The following TMEM165 variants were observed in gnomAD, a reference collection of about 807,000 sequenced individuals.
TMEM165 encodes transmembrane protein 165.
TMEM165 carries 19 observed loss-of-function variants against 30.0 expected under a neutral mutation model. The ratio of observed to expected loss-of-function variants is 0.63; its 90% CI spans 0.44 to 0.93. The LOEUF is 0.93. TMEM165 is among the 40% of genes least tolerant of loss of function. The pLI, the probability that TMEM165 is intolerant of heterozygous loss-of-function variation, is 0.00. For synonymous variants in TMEM165, 168 were observed against 162.9 expected, an observed-to-expected ratio of 1.03 and a Z score of -0.24; for missense variants, 340 against 417.0, an observed-to-expected ratio of 0.82 and a Z score of 1.61.
intron 2 of TMEM165, chr4:55,412,798 T>C (rs1721563325): frequency 6.6e-6 from 1 of 152,122 alleles, no homozygotes. Context: ...GCATTTAATA[T>C]CATTGAATTT....
chr4:55,434,748 C>G (rs1363069674), intron 3 of TMEM165: 1 of 155,020 alleles, frequency 6.5e-6, no homozygotes, highest in Admixed American at 6.3e-5. Context: ...TCAGTTTGCA[C>G]ATGGTGTCAG....
At chr4:55,419,879 A>G (rs1207536029) in intron 4 of TMEM165, among the ~76,000 whole-genome samples, 2 of 151,528 alleles carry the variant, frequency 1.3e-5, no homozygotes, top group African/African-American at 4.8e-5. Context: ...ATTTTGGGGA[A>G]AAAAAATGGA....
intron 3 of TMEM165, chr4:55,435,372 C>T: frequency 6.2e-7 from 1 of 1,609,488 alleles, no homozygotes; most frequent in Admixed American, 1.7e-5. Flanking sequence ...TCTTAATGGG[C>T]CATCCCCTTC....
chr4:55,423,292 C>T (rs1722057516), intron 4 of TMEM165: 1 of 152,220 alleles, frequency 6.6e-6, no homozygotes, highest in Admixed American at 6.5e-5. Flanking sequence ...CTTAATTTCT[C>T]TCAAATTCAC....
intron 3 of TMEM165, chr4:55,438,526 C>T: frequency 6.2e-7 from 1 of 1,613,402 alleles, no homozygotes; most frequent in Non-Finnish European, 8.5e-7. Context: ...AAGTTGTTGA[C>T]CTTGAGAAAA....
chr4:55,420,119 A>ATT (rs1187380138), intron 4 of TMEM165, among the ~76,000 whole-genome samples: 24 of 46,700 alleles, frequency 5.1e-4, no homozygotes, highest in African/African-American at 1.4e-3. Context: ...ATATATATAT[A>ATT]TACATATATA....
intron 4 of TMEM165, among the ~76,000 whole-genome samples, chr4:55,421,166 C>CAAAAA (rs71194559): frequency 1.9e-4 from 16 of 83,454 alleles, no homozygotes; most frequent in African/African-American, 5.4e-4. Context: ...GATTCCATCT[C>CAAAAA]AAAAAAAAAA....
In TMEM165 at chr4:55,449,359, A is replaced by C. The variant is rs759077911; in HGVS notation, c.409-2880A>C. On this transcript the variant is annotated intron_variant, in intron 3 of 3. Coordinates refer to the TMEM165 transcript ENST00000608091. ...TTAGATCATTTTTCCCCTCTTAATA[A>C]ATCTTTATTCAGAAGAATATCCACT... 8 of 1,537,506 alleles carry C rather than the reference A, an allele frequency of 5.2e-6. No homozygotes were observed. In the Admixed American group the frequency reaches 1.2e-4, roughly 22 times the overall value.
In TMEM165 at chr4:55,396,228, G is replaced by T. The variant is rs1159173531; in HGVS notation, c.39G>T (p.Ala13=). ...AAAPGNGRAS[A]PRLLLLFLVP... is the part of the protein sequence containing the mutation. ...CTCCAGGGAACGGCCGCGCATCGGC[G>T]CCCCGGCTGCTTCTGCTCTTTCTGG... Residue 13 remains alanine (A), a synonymous_variant, in exon 1 of 6, where the codon GCG becomes GCT. Coordinates refer to ENST00000381334, the MANE Select transcript of TMEM165 (RefSeq NM_018475.5). 5 of 1,468,942 alleles carry T rather than the reference G, an allele frequency of 3.4e-6. No homozygotes were observed. Among genetic ancestry groups the T allele is most frequent in the Non-Finnish European group, 4.5e-6 (5 of 1,114,828 alleles). 91.0% of individuals were successfully genotyped at this position (1,468,942 alleles called of 1,614,324 possible).
intron 1 of TMEM165, chr4:55,403,286 A>G (rs1334777751): frequency 6.2e-6 from 8 of 1,281,684 alleles, no homozygotes; most frequent in Non-Finnish European, 8.1e-6. Flanking sequence ...TTTCAAGGAA[A>G]GCATCTTCAT....
chr4:55,405,965 A>G (rs1353044280), intron 1 of TMEM165, among the ~76,000 whole-genome samples: 1 of 152,218 alleles, frequency 6.6e-6, no homozygotes, highest in Non-Finnish European at 1.5e-5. Flanking sequence ...ATATTCTTTC[A>G]CATTGTCAGT....
chr4:55,451,282 C>G (rs1724425180), intron 3 of TMEM165, among the ~76,000 whole-genome samples: 1 of 152,142 alleles, frequency 6.6e-6, no homozygotes, highest in East Asian at 1.9e-4. Context: ...CAACACTCAT[C>G]TAAAATTTAA....
intron 1 of TMEM165, among the ~76,000 whole-genome samples, chr4:55,397,910 ATTT>A (rs71194549): frequency 0.59 from 87,685 of 147,960 alleles, 27,029 homozygotes; most frequent in South Asian, 0.81. Flanking sequence ...ATTTTTGTTT[ATTT>A]TTTTTTTTTT....
intron 1 of TMEM165, among the ~76,000 whole-genome samples, chr4:55,401,167 A>G (rs1232477469): frequency 2.7e-5 from 4 of 149,272 alleles, no homozygotes; most frequent in South Asian, 2.1e-4. Flanking sequence ...CTGAACTTCT[A>G]ACAGGGCATT....
chr4:55,397,087 G>A (rs1262096352), intron 1 of TMEM165: 2 of 152,118 alleles, frequency 1.3e-5, no homozygotes, highest in East Asian at 3.9e-4. Context: ...TTAGTCACTT[G>A]GCAGCGTTTT....
At chr4:55,402,411 A>G (rs557480801) in intron 1 of TMEM165, among the ~76,000 whole-genome samples, 516 of 33,126 alleles carry the variant, frequency 0.016, 17 homozygotes, top group African/African-American at 0.069. Context: ...GTGTATATAT[A>G]TATATATATA....
chr4:55,432,013 A>G (rs1161626395), intron 3 of TMEM165: 1 of 152,164 alleles, frequency 6.6e-6, no homozygotes, highest in Non-Finnish European at 1.5e-5. Flanking sequence ...CATTTTCACT[A>G]TTTTGCACTG....
chr4:55,398,589 C>G (rs1306586437), intron 1 of TMEM165, among the ~76,000 whole-genome samples: 2 of 152,070 alleles, frequency 1.3e-5, no homozygotes, highest in African/African-American at 4.8e-5. Context: ...TCTCTTTCTC[C>G]TTTTTTGGGA....
chr4:55,409,496 A>G (rs187375282), intron 1 of TMEM165, among the ~76,000 whole-genome samples: 2 of 152,314 alleles, frequency 1.3e-5, no homozygotes, highest in African/African-American at 4.8e-5. Flanking sequence ...GAAGTGGTTT[A>G]TCTAGCCCAG....
Sources: allele counts gnomAD v4.1 joint callset (sites outside exome capture counted in the v4.1 genomes callset), GRCh38; gene constraint gnomAD v4.1.1; transcripts MANE v1.5; gene names NCBI Gene and HGNC (gene_info 2026-07-23, HGNC 2026-07-21).